Variants in LONRF3 observed in about 807,000 individuals in gnomAD.
The protein encoded by LONRF3 is LON peptidase N-terminal domain and RING finger protein 3.
A neutral mutation model predicts 51.7 loss-of-function variants in LONRF3; 19 were observed. That is an observed-to-expected ratio of 0.37 (90% CI 0.26 to 0.54). The LOEUF (loss-of-function observed/expected upper bound fraction) is 0.54. Among genes scored for constraint, LONRF3 ranks in the 20% least tolerant of loss-of-function variants. The pLI is 0.86. For synonymous variants in LONRF3, 265 were observed against 257.8 expected, an observed-to-expected ratio of 1.03 and a Z score of -0.27; for missense variants, 521 against 623.9, an observed-to-expected ratio of 0.84 and a Z score of 1.76.
chrX:119,015,918 A>G (rs1048515637), intron 10 of LONRF3, among the ~76,000 whole-genome samples: 2 of 112,554 alleles, frequency 1.8e-5, no homozygotes, highest in Non-Finnish European at 3.7e-5. Context: ...CACAAGTGTT[A>G]ATACCAGCTT....
In LONRF3 at chrX:118,999,825, C is replaced by T. The variant is rs188151534; in HGVS notation, c.1416-6296C>T. Among the ~76,000 whole-genome samples the T allele has an allele frequency of 2.4e-4, 27 of 112,124 alleles. No individual in the cohort carries two copies. The East Asian group carries it at 6.7e-3, about 28-fold the overall frequency. On this transcript the variant is annotated intron_variant, in intron 5 of 10. Transcript: ENST00000371628. ...GACTTCAAAACAAAACAAAACAAAA[C>T]CCTCTGTGCCTGGAGTAGCCATTGC... is the stretch of plus-strand genomic sequence containing the variant.
intron 2 of LONRF3, among the ~76,000 whole-genome samples, chrX:118,982,379 G>A (rs1443811418): frequency 1.8e-5 from 2 of 111,665 alleles, no homozygotes; most frequent in Non-Finnish European, 3.8e-5. Context: ...GCTCTTTCAA[G>A]CCACTACTGA....
chrX:118,976,693 G>C (rs983872485), intron 1 of LONRF3: 7 of 113,025 alleles, frequency 6.2e-5, no homozygotes, highest in African/African-American at 1.9e-4. Flanking sequence ...CCAGGGAGCC[G>C]CTCTCTGACC....
At chrX:118,997,402 G>T (rs972219117) in intron 5 of LONRF3, among the ~76,000 whole-genome samples, 2 of 112,246 alleles carry the variant, frequency 1.8e-5, no homozygotes, top group African/African-American at 6.5e-5. Flanking sequence ...ATGGTGCTGG[G>T]ATAATTGGCT....
At chrX:119,017,236 A>T (rs952389044) in intron 10 of LONRF3, among the ~76,000 whole-genome samples, 1 of 111,940 alleles carries the variant, frequency 8.9e-6, no homozygotes, top group Non-Finnish European at 1.9e-5. Flanking sequence ...GGCAGAGGGC[A>T]TATGCTTCTT....
At chrX:118,976,167 G>A (rs901006679) in intron 1 of LONRF3, among the ~76,000 whole-genome samples, 35 of 113,157 alleles carry the variant, frequency 3.1e-4, no homozygotes, top group African/African-American at 1.1e-3. Context: ...TTCCGGGGCC[G>A]CGGCTCCCTG....
At chrX:118,990,954 T>A (rs1390374009) in intron 5 of LONRF3, among the ~76,000 whole-genome samples, 1 of 111,606 alleles carries the variant, frequency 9.0e-6, no homozygotes, top group Non-Finnish European at 1.9e-5. Context: ...GTCTCCCCAG[T>A]TCAAGCGATT....
Position 119,013,161 on chromosome X carries a change from G to A in LONRF3, c.1934G>A (p.Gly645Asp). 8.2e-7 allele frequency: 1 copy of A among 1,212,221 alleles called. No individual in the cohort carries two copies. The highest frequency in any genetic ancestry group is 1.1e-6 in the Non-Finnish European group (1 of 895,623). ...FRVLHQSQRDGYNTADIEYIE... is the reference protein window; with the variant it reads ...FRVLHQSQRDDYNTADIEYIE... ...GTGCTCCATCAGAGCCAGCGGGATG[G>A]CTACAACACAGCCGACATTGAATAC... The change falls in exon 9 of 11, where the codon GGC becomes GAC. Residue 645 changes from glycine (G) to aspartate (D), a missense_variant. Physicochemically the swap from Gly to Asp is moderately conservative, Grantham distance 94. Transcript: ENST00000371628.
At chrX:118,987,473 T>TTTTTTTTTC (rs1923091035) in intron 3 of LONRF3, among the ~76,000 whole-genome samples, 1 of 94,139 alleles carries the variant, frequency 1.1e-5, no homozygotes, top group Non-Finnish European at 2.1e-5. Context: ...TTTTTTTTTT[T>TTTTTTTTTC]GTAGAGACGG....
intron 6 of LONRF3, among the ~76,000 whole-genome samples, chrX:119,007,990 C>A (rs1211286249): frequency 8.9e-6 from 1 of 111,799 alleles, no homozygotes; most frequent in East Asian, 2.8e-4. Context: ...AGAGGAGTCA[C>A]CTACTTTTTA....
intron 5 of LONRF3, among the ~76,000 whole-genome samples, chrX:118,999,620 T>C (rs1293265351): frequency 8.9e-6 from 1 of 112,040 alleles, no homozygotes; most frequent in African/African-American, 3.2e-5. Context: ...GTAAGTTCTT[T>C]TGTTCCTCTG....
Position 118,990,465 on chromosome X carries a change from C to T in LONRF3, c.1325-5C>T, listed in dbSNP as rs371037725. 29 of 1,200,415 alleles carry T rather than the reference C, an allele frequency of 2.4e-5. No individual in the cohort carries two copies. The highest frequency in any genetic ancestry group is 3.0e-5 in the Non-Finnish European group (27 of 886,903). On this transcript the variant is annotated splice_polypyrimidine_tract_variant and splice_region_variant and intron_variant, in intron 4 of 10. Transcript: ENST00000371628. ...AGCGCTGACTTCTTGCTTTCTAAAT[C>T]GCAGATCCTCCCACTGATCAGGGGG...
At chrX:118,987,141 G>A (rs1376964653) in intron 3 of LONRF3, 17 of 956,890 alleles carry the variant, frequency 1.8e-5, no homozygotes, top group African/African-American at 7.8e-5. Flanking sequence ...GTGGGCAAAC[G>A]TGGGGAGTGA....
intron 6 of LONRF3, among the ~76,000 whole-genome samples, chrX:119,007,991 C>T (rs1267539847): frequency 1.8e-5 from 2 of 111,782 alleles, no homozygotes; most frequent in African/African-American, 3.3e-5. Context: ...GAGGAGTCAC[C>T]TACTTTTTAG....
chrX:118,992,039 G>C (rs924282101), intron 5 of LONRF3, among the ~76,000 whole-genome samples: 1 of 111,857 alleles, frequency 8.9e-6, no homozygotes, highest in East Asian at 2.8e-4. Flanking sequence ...AAATGTGTCT[G>C]TTTTCCAAAA....
At chrX:118,991,933 A>G (rs1211969547) in intron 5 of LONRF3, among the ~76,000 whole-genome samples, 1 of 111,637 alleles carries the variant, frequency 9.0e-6, no homozygotes, top group African/African-American at 3.3e-5. Flanking sequence ...AGGATGTTCT[A>G]TATATGGATT....
intron 5 of LONRF3, among the ~76,000 whole-genome samples, chrX:118,993,036 A>G (rs1923544184): frequency 9.0e-6 from 1 of 111,308 alleles, no homozygotes; most frequent in Non-Finnish European, 1.9e-5. Flanking sequence ...TTAGCCCTAG[A>G]CCTTCCCTCT....
chrX:118,976,350 G>C (rs904394345), intron 1 of LONRF3: 2 of 113,907 alleles, frequency 1.8e-5, no homozygotes, highest in African/African-American at 6.4e-5. Flanking sequence ...AGCATGTGCG[G>C]GGGGAGGGGG....
intron 2 of LONRF3, among the ~76,000 whole-genome samples, chrX:118,980,229 C>T (rs957777870): frequency 8.9e-6 from 1 of 111,791 alleles, no homozygotes; most frequent in African/African-American, 3.3e-5. Flanking sequence ...CTTGTAAGAC[C>T]AGAGGTGTTC....
Sources: allele counts gnomAD v4.1 joint callset (sites outside exome capture counted in the v4.1 genomes callset), GRCh38; gene constraint gnomAD v4.1.1; transcripts MANE v1.5; gene names NCBI Gene and HGNC (gene_info 2026-07-23, HGNC 2026-07-21).